Variants in DPP6 observed in about 807,000 individuals in gnomAD.
The protein encoded by DPP6 is dipeptidyl peptidase like 6.
Under a neutral mutation model 122.6 loss-of-function variants are expected in DPP6, and 69 were observed. The ratio of observed to expected loss-of-function variants is 0.56; its 90% CI spans 0.46 to 0.69. DPP6 has a LOEUF of 0.69. Among genes scored for constraint, DPP6 ranks in the 30% least tolerant of loss-of-function variants. The pLI, the probability that DPP6 is intolerant of heterozygous loss-of-function variation, is 0.00. For missense variants in DPP6, 928 were observed against 1,116.9 expected (o/e 0.83, Z 2.41); for synonymous variants, 418 against 433.1 (o/e 0.97, Z 0.43).
intron 5 of DPP6, among the ~76,000 whole-genome samples, chr7:154,596,646 G>A (rs530063010): frequency 1.5e-4 from 23 of 152,176 alleles, no homozygotes; most frequent in Admixed American, 5.2e-4. Context: ...GGGAGGACTC[G>A]GGTATCTGGA....
At chr7:154,086,910 C>T (rs1354372643) in intron 1 of DPP6, among the ~76,000 whole-genome samples, 2 of 152,112 alleles carry the variant, frequency 1.3e-5, no homozygotes, top group Non-Finnish European at 2.9e-5. Flanking sequence ...GCTAAGGGCC[C>T]AGTGAAGAAG....
chr7:154,499,994 A>G (rs35988589), intron 3 of DPP6, among the ~76,000 whole-genome samples: 22,731 of 152,114 alleles, frequency 0.15, 1,830 homozygotes, highest in Middle Eastern at 0.22. Context: ...CCCTCTCTAA[A>G]CACAATACAT....
At chr7:154,270,612 T>C (rs994256332) in intron 1 of DPP6, among the ~76,000 whole-genome samples, 3 of 152,180 alleles carry the variant, frequency 2.0e-5, no homozygotes, top group East Asian at 3.9e-4. Flanking sequence ...CCTTTCCTAA[T>C]AAAGGAAGTA....
At chr7:154,327,612 C>T (rs994615742) in intron 1 of DPP6, among the ~76,000 whole-genome samples, 4 of 151,998 alleles carry the variant, frequency 2.6e-5, no homozygotes, top group South Asian at 2.1e-4. Flanking sequence ...TTGCTTAGGC[C>T]GTTGTGAAAT....
chr7:153,932,747 A>G (rs1325338787), intron 1 of DPP6, among the ~76,000 whole-genome samples: 1 of 152,114 alleles, frequency 6.6e-6, no homozygotes, highest in African/African-American at 2.4e-5. Flanking sequence ...GGGATCCCAG[A>G]AGTCTTGGCT....
chr7:154,739,283 C>T (rs1842710618), intron 8 of DPP6, among the ~76,000 whole-genome samples: 1 of 152,180 alleles, frequency 6.6e-6, no homozygotes. Flanking sequence ...AGCTTTCTTG[C>T]CAACAGTGGG....
intron 7 of DPP6, among the ~76,000 whole-genome samples, chr7:154,675,405 C>T (rs1838839485): frequency 6.6e-6 from 1 of 152,118 alleles, no homozygotes; most frequent in Non-Finnish European, 1.5e-5. Context: ...GTTAGGATGG[C>T]AGCTCCCTTG....
chr7:153,840,257 AC>A, the DPP6 span, among the ~76,000 whole-genome samples: 1 of 152,200 alleles, frequency 6.6e-6, no homozygotes, highest in African/African-American at 2.4e-5. Flanking sequence ...GAGAAAAAAA[AC>A]ATACTGTGCA....
At chr7:153,841,669 A>G in the DPP6 span, among the ~76,000 whole-genome samples, 1 of 152,234 alleles carries the variant, frequency 6.6e-6, no homozygotes, top group Non-Finnish European at 1.5e-5. Context: ...ACACAAATGC[A>G]TAAATCTTAA....
At chr7:154,026,842 G>C (rs1585196308) in intron 1 of DPP6, 1 of 152,088 alleles carries the variant, frequency 6.6e-6, no homozygotes, top group Non-Finnish European at 1.5e-5. Flanking sequence ...TTTCATATGA[G>C]CTTGTTGTTC....
At chr7:154,036,040 G>C (rs1056593704) in intron 1 of DPP6, among the ~76,000 whole-genome samples, 6 of 151,816 alleles carry the variant, frequency 4.0e-5, no homozygotes, top group African/African-American at 1.2e-4. Flanking sequence ...GTGTGTGTGT[G>C]TGTGTGTATG....
At chr7:153,827,541 G>A in the DPP6 span, among the ~76,000 whole-genome samples, 1 of 152,166 alleles carries the variant, frequency 6.6e-6, no homozygotes, top group Non-Finnish European at 1.5e-5. Flanking sequence ...CTCCAGACTA[G>A]GTAGTTGAGA....
rs1361352162 is a variant in DPP6, at chr7:153,902,214, G to C, written c.51+14480G>C. On this transcript the variant is annotated intron_variant, in intron 1 of 25. Coordinates refer to the DPP6 transcript ENST00000404039. ...CAACCCATTAAATACATGTTTTCAA[G>C]ATAAACAGTAGCTCACCCTGAAGTA... 2.0e-5 allele frequency among the ~76,000 whole-genome samples: 3 copies of C among 152,162 alleles called. No homozygotes were observed. The East Asian group carries it at 5.8e-4, about 29-fold the overall frequency.
rs1040663958 is a variant in DPP6, at chr7:154,486,536, C to T, written c.457+11499C>T. ...CTGAAAATACCGTTGCTCATCACTT[C>T]TCTGCTTCAGAAAGTCTCATTAATC... On this transcript the variant is annotated intron_variant, in intron 3 of 25. Coordinates refer to ENST00000377770, the MANE Select transcript of DPP6 (RefSeq NM_130797.4). The surrounding 1 kb of genome is among the most constrained non-coding windows in gnomAD (Gnocchi z 4.5). Among the ~76,000 whole-genome samples the T allele has an allele frequency of 2.0e-5, 3 of 152,318 alleles. No individual in the cohort carries two copies. Among genetic ancestry groups the T allele is most frequent in the Non-Finnish European group, 4.4e-5 (3 of 68,032 alleles).
At chr7:153,998,369 A>G (rs1369283966) in intron 1 of DPP6, among the ~76,000 whole-genome samples, 2 of 152,204 alleles carry the variant, frequency 1.3e-5, no homozygotes, top group Non-Finnish European at 2.9e-5. Flanking sequence ...CTTCTCAGCA[A>G]CCACTTACAT....
intron 5 of DPP6, among the ~76,000 whole-genome samples, chr7:154,574,779 A>ATGTG (rs1313130628): frequency 4.9e-5 from 4 of 81,416 alleles, no homozygotes; most frequent in African/African-American, 1.8e-4. Flanking sequence ...TGTGGTGCAT[A>ATGTG]TGTGTGTGTG....
chr7:154,225,019 A>G (rs7805789), intron 1 of DPP6, among the ~76,000 whole-genome samples: 133,855 of 152,098 alleles, frequency 0.88, 59,230 homozygotes, highest in African/African-American at 0.97. Flanking sequence ...GCACATACCT[A>G]TGATTTCAGC....
intron 1 of DPP6, among the ~76,000 whole-genome samples, chr7:154,149,164 C>T (rs1341175629): frequency 6.6e-6 from 1 of 152,260 alleles, no homozygotes; most frequent in Non-Finnish European, 1.5e-5. Flanking sequence ...AGAACAATTG[C>T]AGTGCCTTTA....
rs538233904 is a variant in DPP6, at chr7:153,979,804, A to G, written c.51+92070A>G. Among the ~76,000 whole-genome samples, 9 of 152,272 alleles carry G rather than the reference A, an allele frequency of 5.9e-5. No individual in the cohort carries two copies. In the South Asian group the frequency reaches 1.9e-3, roughly 32 times the overall value. On this transcript the variant is annotated intron_variant, in intron 1 of 25. Transcript: ENST00000404039. ...CTTTTCTGCATCTATTGAGATAATC[A>G]TGTGGTTTTTGTCACTGATTCTGTT...
Sources: gnomAD v4.1 joint callset for allele counts (sites outside exome capture counted in the v4.1 genomes callset) on GRCh38, gnomAD v4.1.1 for gene constraint, Gnocchi (gnomAD v3.1) non-coding constraint, MANE v1.5 for transcripts, NCBI Gene and HGNC (gene_info 2026-07-23, HGNC 2026-07-21) for gene names.